Variants in L3MBTL2 observed in about 807,000 individuals in gnomAD.
The protein encoded by L3MBTL2 is L3MBTL histone methyl-lysine binding protein 2.
A neutral mutation model predicts 86.4 loss-of-function variants in L3MBTL2; 49 were observed. That is an observed-to-expected ratio of 0.57 (90% CI 0.45 to 0.72). L3MBTL2 has a LOEUF of 0.72. Among genes scored for constraint, L3MBTL2 ranks in the 30% least tolerant of loss-of-function variants. The pLI is 0.00. For synonymous variants in L3MBTL2, 336 were observed against 350.6 expected (o/e 0.96, Z 0.47); for missense variants, 755 against 923.7 (o/e 0.82, Z 2.37).
chr22:41,213,473 T>TG (rs397832087), intron 2 of L3MBTL2, among the ~76,000 whole-genome samples: 4 of 122,004 alleles, frequency 3.3e-5, no homozygotes, highest in South Asian at 2.8e-4. Flanking sequence ...TTTTTTTTTT[T>TG]GGGCAACAAG....
intron 15 of L3MBTL2, among the ~76,000 whole-genome samples, chr22:41,229,022 C>T (rs5751068): frequency 6.6e-6 from 1 of 152,224 alleles, no homozygotes; most frequent in African/African-American, 2.4e-5. Context: ...CTTTGAGAGG[C>T]TGAGGTGGGA....
In L3MBTL2 at chr22:41,225,767, T is replaced by C. The variant is rs759926806; in HGVS notation, c.1357-27T>C. The C allele has an allele frequency of 1.9e-6, 3 of 1,597,490 alleles. No homozygotes were observed. Among genetic ancestry groups the C allele is most frequent in the African/African-American group, 1.3e-5 (1 of 74,772 alleles). On this transcript the variant is annotated intron_variant, in intron 11 of 16. Coordinates refer to ENST00000216237, the MANE Select transcript of L3MBTL2 (RefSeq NM_031488.5). The surrounding 1 kb of genome is among the most constrained non-coding windows in gnomAD (Gnocchi z 4.1). The stretch of plus-strand genomic sequence containing the variant: ...ATGGGGTGCAGTTCATGATATGATC[T>C]GTCTGCCTGCTCCCCCCACCCCCCA...
At position 41,224,971 on chromosome 22, in the gene L3MBTL2, G is replaced by A. The variant is rs774290679; in HGVS notation, c.1256G>A (p.Arg419Gln). 5.6e-6 allele frequency: 9 copies of A among 1,613,432 alleles called. No homozygotes were observed. In the Admixed American group the frequency reaches 1.0e-4, roughly 18 times the overall value. The stretch of plus-strand genomic sequence containing the variant: ...CAGCTGTCCCATTCCTTTAAGGTAC[G>A]AGCAGTCTACACAGAAGGCGGTTGG... ...DAVPYLFKKV[R>Q]AVYTEGGWFE... Residue 419 changes from arginine to glutamine, a missense_variant, in exon 11 of 17, where the codon CGA (arginine) becomes CAA (glutamine). By Grantham distance (43) the Arg-to-Gln change is conservative (BLOSUM62 1). Transcript: ENST00000216237. The surrounding 1 kb of genome is among the most constrained non-coding windows in gnomAD (Gnocchi z 4.9).
In L3MBTL2 at chr22:41,230,357, G is replaced by A; in HGVS notation, c.*106G>A. The A allele has an allele frequency of 1.2e-6, 1 of 823,860 alleles. No homozygotes were observed. The highest frequency in any genetic ancestry group is 1.5e-5 in the South Asian group (1 of 64,932). 51.0% of individuals were successfully genotyped at this position (823,860 alleles called of 1,614,324 possible). ...TTTGGCTTGGAGACTGATCCTCTCTGTGTAAATTCTGCCCGGTGCTGTGAA... is the reference window on the plus strand; with the variant it reads ...TTTGGCTTGGAGACTGATCCTCTCTATGTAAATTCTGCCCGGTGCTGTGAA... On this transcript the variant is annotated 3_prime_UTR_variant, in exon 17 of 17. Coordinates refer to ENST00000216237, the MANE Select transcript of L3MBTL2 (RefSeq NM_031488.5).
Position 41,224,371 on chromosome 22 carries a change from T to G in L3MBTL2, c.1174+120T>G. 1.5e-6 allele frequency: 1 copy of G among 687,350 alleles called. No homozygotes were observed. The highest frequency in any genetic ancestry group is 1.8e-5 in the South Asian group (1 of 54,640). 42.6% of individuals were successfully genotyped at this position (687,350 alleles called of 1,614,324 possible). A position where few individuals can be genotyped will look rare whatever the true frequency, so the allele number is the denominator to read the frequency against. Reference sequence around the variant, plus strand: ...GGAGGTTGGCATGGCCCCCCTGCAGTGATGATACTGAGCTCCAGAGAGCTT... The same window carrying G: ...GGAGGTTGGCATGGCCCCCCTGCAGGGATGATACTGAGCTCCAGAGAGCTT... On this transcript the variant is annotated intron_variant, in intron 9 of 16. Transcript: ENST00000216237. The surrounding 1 kb of genome is among the most constrained non-coding windows in gnomAD (Gnocchi z 4.9).
chr22:41,215,649 C>A (rs1033563876), intron 3 of L3MBTL2, among the ~76,000 whole-genome samples: 4 of 151,830 alleles, frequency 2.6e-5, no homozygotes, highest in African/African-American at 9.7e-5. Flanking sequence ...CCTATGTGGA[C>A]CCTCTCCCGA....
chr22:41,226,448 C>T (rs911840993), intron 12 of L3MBTL2, among the ~76,000 whole-genome samples: 1 of 152,204 alleles, frequency 6.6e-6, no homozygotes, highest in Non-Finnish European at 1.5e-5. Flanking sequence ...ATGAACAGAG[C>T]TCCCACTTAT....
chr22:41,207,001 C>G (rs572495394), intron 1 of L3MBTL2, among the ~76,000 whole-genome samples: 2 of 152,164 alleles, frequency 1.3e-5, no homozygotes, highest in African/African-American at 4.8e-5. Context: ...TCTCAATCTT[C>G]GTAAGAATTC....
rs2032496110 is a variant in L3MBTL2 at position 41,230,143 on chromosome 22, T to C, written c.2010T>C (p.Ile670=). Residue 670 remains isoleucine (I), a synonymous_variant, in exon 17 of 17, where the codon ATT becomes ATC. Coordinates refer to ENST00000216237, the MANE Select transcript of L3MBTL2 (RefSeq NM_031488.5). The stretch of plus-strand genomic sequence containing the variant: ...CCGCCTCCCCTCCCTCTTCAGTCAT[T>C]GCTGTGCGTGTGAAGGAAGAGCATC... The part of the protein sequence containing the change: ...ISSEPVPGEI[I]AVRVKEEHLD... The C allele has an allele frequency of 1.4e-6, 2 of 1,407,242 alleles. No homozygotes were observed. The highest frequency in any genetic ancestry group is 1.5e-5 in the African/African-American group (1 of 66,046). 87.2% of individuals were successfully genotyped at this position (1,407,242 alleles called of 1,614,324 possible). A position where few individuals can be genotyped will look rare whatever the true frequency, so the allele number is the denominator to read the frequency against.
At chr22:41,219,568 G>GT in intron 6 of L3MBTL2, 32 bp downstream of exon 6, 2 of 1,417,480 alleles carry the variant, frequency 1.4e-6, no homozygotes, top group Non-Finnish European at 2.0e-6. Flanking sequence ...GGCCAGGGAT[G>GT]TGTCTGCAGA....
At position 41,205,472 on chromosome 22, in the gene L3MBTL2, G is replaced by C. The variant is rs1054792919; in HGVS notation, c.24+86G>C. 2.0e-6 allele frequency: 3 copies of C among 1,483,430 alleles called. No homozygotes were observed. In the African/African-American group the frequency reaches 4.2e-5, roughly 21 times the overall value. The allele number at this position is 1,483,430 out of a possible 1,614,324, so 91.9% of individuals were successfully genotyped here. A position where few individuals can be genotyped will look rare whatever the true frequency, so the allele number is the denominator to read the frequency against. On this transcript the variant is annotated intron_variant, in intron 1 of 16. Transcript: ENST00000216237. The stretch of plus-strand genomic sequence containing the variant: ...GCCCTTCTTTAGGGCTTTTAGCGAC[G>C]CCTGGAGGGTGGAGGGTGGGAGGAT...
intron 2 of L3MBTL2, among the ~76,000 whole-genome samples, chr22:41,210,689 C>T (rs1012544463): frequency 2.0e-5 from 3 of 152,126 alleles, no homozygotes. Flanking sequence ...GTCTCAAACT[C>T]CTGAACTCAG....
intron 3 of L3MBTL2, 103 bp downstream of exon 3, chr22:41,214,129 C>T: frequency 2.6e-6 from 3 of 1,165,578 alleles, no homozygotes; most frequent in East Asian, 4.7e-5. Flanking sequence ...AAGGTCCTTG[C>T]TTGTGGCCAG....
At position 41,227,393 on chromosome 22, in the gene L3MBTL2, CT is replaced by C. The variant is rs774741252; in HGVS notation, c.1822+71del. 2 of 1,420,520 alleles carry C rather than the reference CT, an allele frequency of 1.4e-6. No individual in the cohort carries two copies. Among genetic ancestry groups the C allele is most frequent in the South Asian group, 1.2e-5 (1 of 81,044 alleles). 88.0% of individuals were successfully genotyped at this position (1,420,520 alleles called of 1,614,324 possible). A position where few individuals can be genotyped will look rare whatever the true frequency, so the allele number is the denominator to read the frequency against. On this transcript the variant is annotated intron_variant, in intron 14 of 16. Coordinates refer to ENST00000216237, the MANE Select transcript of L3MBTL2 (RefSeq NM_031488.5). This position sits in a 1 kb window ranked among gnomAD's most constrained non-coding sequence, Gnocchi z 6.0. ...TTCTTTTTTCCTTCTTCCCCCGCCC[CT>C]GTGCCCATCTCCGTTCTTTGGCATG...
At position 41,213,874 on chromosome 22, in the gene L3MBTL2, T is replaced by G. The variant is rs754446369; in HGVS notation, c.263-19T>G. The G allele has an allele frequency of 6.2e-7, 1 of 1,613,822 alleles. No individual in the cohort carries two copies. Among genetic ancestry groups the G allele is most frequent in the Middle Eastern group, 1.7e-4 (1 of 6,060 alleles). On this transcript the variant is annotated intron_variant, in intron 2 of 16. Coordinates refer to ENST00000216237, the MANE Select transcript of L3MBTL2 (RefSeq NM_031488.5). ...AGGTGGTCATATCGGGTGAGTCATG[T>G]GCTAAGTTCTCTTCCCAGCTGTCTG...
intron 2 of L3MBTL2, among the ~76,000 whole-genome samples, chr22:41,211,557 C>CTTTCTTTTTTTTTTTTTTTTTT (rs1039028243): frequency 2.1e-5 from 2 of 97,390 alleles, no homozygotes; most frequent in Non-Finnish European, 4.0e-5. Context: ...ATCTTATTTC[C>CTTTCTTTTTTTTTTTTTTTTTT]TTTTTTTTTT....
intron 2 of L3MBTL2, among the ~76,000 whole-genome samples, chr22:41,212,824 G>A (rs969868434): frequency 6.6e-6 from 1 of 151,284 alleles, no homozygotes; most frequent in African/African-American, 2.4e-5. Flanking sequence ...GAACCCGGGA[G>A]TCGAAGGTTG....
rs1391403156 is a variant in L3MBTL2 at position 41,225,524 on chromosome 22, C to T, written c.1357-270C>T. ...CCGCGGATCCGCTCCATGCCGGGCG[C>T]GTGTGCTCACCCAAGAACACGGTCC... On this transcript the variant is annotated intron_variant, in intron 11 of 16. Transcript: ENST00000216237. The surrounding 1 kb of genome is among the most constrained non-coding windows in gnomAD (Gnocchi z 4.1). 2.0e-5 allele frequency among the ~76,000 whole-genome samples: 3 copies of T among 152,278 alleles called. No homozygotes were observed. Among genetic ancestry groups the T allele is most frequent in the South Asian group, 2.1e-4 (1 of 4,828 alleles).
Position 41,231,189 on chromosome 22 carries a change from G to A in L3MBTL2, c.*938G>A, listed in dbSNP as rs995334922. 3 of 152,172 alleles carry A rather than the reference G, an allele frequency of 2.0e-5. No individual in the cohort carries two copies. Among genetic ancestry groups the A allele is most frequent in the African/African-American group, 7.2e-5 (3 of 41,442 alleles). 9.4% of individuals were successfully genotyped at this position (152,172 alleles called of 1,614,324 possible). A position where few individuals can be genotyped will look rare whatever the true frequency, so the allele number is the denominator to read the frequency against. On this transcript the variant is annotated 3_prime_UTR_variant, in exon 17 of 17. Coordinates refer to ENST00000216237, the MANE Select transcript of L3MBTL2 (RefSeq NM_031488.5). ...CCCTCAAGACAAGGATGACAGAGCT[G>A]GAGGACACATCTAGCTGCCATTGCA...
Sources: allele counts gnomAD v4.1 joint callset (sites outside exome capture counted in the v4.1 genomes callset), GRCh38; gene constraint gnomAD v4.1.1; non-coding constraint Gnocchi (gnomAD v3.1); transcripts MANE v1.5; gene names NCBI Gene and HGNC (gene_info 2026-07-23, HGNC 2026-07-21).